SND1: variants seen among roughly 807,000 people sequenced by gnomAD.
SND1 encodes the protein staphylococcal nuclease and tudor domain containing 1.
SND1 carries 38 observed loss-of-function variants against 121.7 expected under a neutral mutation model. That is an observed-to-expected ratio of 0.31 (90% CI 0.24 to 0.41). The LOEUF is 0.41. Ranked by LOEUF, SND1 falls within the 10% of genes least tolerant of loss-of-function variation. The pLI, the probability that SND1 is intolerant of heterozygous loss-of-function variation, is 1.00. For missense variants in SND1, 868 were observed against 1,184.6 expected (o/e 0.73, Z 3.92); for synonymous variants, 401 against 447.4 (o/e 0.90, Z 1.31).
Position 127,929,299 on chromosome 7 carries a change from G to GA in SND1, c.1642dup (p.Thr548AsnfsTer12). On this transcript the variant is annotated frameshift_variant, in exon 15 of 24. Coordinates refer to ENST00000354725, the MANE Select transcript of SND1 (RefSeq NM_014390.4). LOFTEE classifies it high-confidence loss of function. Reference sequence around the variant, plus strand: ...TCGTCTCAAACTCTATTTGCCAAAGGAAACTTGCCTTATCACCTTCTTGCT... The same window carrying GA: ...TCGTCTCAAACTCTATTTGCCAAAGGAAAACTTGCCTTATCACCTTCTTGCT... 2 of 1,614,014 alleles carry GA rather than the reference G, an allele frequency of 1.2e-6. No individual in the cohort carries two copies. Among genetic ancestry groups the GA allele is most frequent in the Non-Finnish European group, 1.7e-6 (2 of 1,179,948 alleles).
intron 1 of SND1, among the ~76,000 whole-genome samples, chr7:127,667,465 G>A (rs1795438504): frequency 6.6e-6 from 1 of 152,148 alleles, no homozygotes; most frequent in South Asian, 2.1e-4. Context: ...CACAGTGATG[G>A]CAGTGCTGTG....
intron 15 of SND1, among the ~76,000 whole-genome samples, chr7:127,951,013 C>T (rs1161063237): frequency 6.6e-6 from 1 of 151,936 alleles, no homozygotes; most frequent in African/African-American, 2.4e-5. Flanking sequence ...ATGGAGATTC[C>T]TCAAAAAAAA....
chr7:128,089,638 G>A lies in SND1; in HGVS notation c.2568G>A (p.Val856=), dbSNP rs779788130. 36 of 1,614,082 alleles carry A rather than the reference G, an allele frequency of 2.2e-5. No homozygotes were observed. The Admixed American group carries it at 6.0e-4, about 27-fold the overall frequency. ...DSKGDVGLGL[V]KEGLVMVEVR... ...AGGGCGATGTGGGGCTGGGCTTGGT[G>A]AAGGAAGGGCTGGTCATGGTGGAGG... Residue 856 remains valine (V), a synonymous_variant, in exon 22 of 24, where the codon GTG becomes GTA. Transcript: ENST00000354725.
intron 11 of SND1, among the ~76,000 whole-genome samples, chr7:127,814,906 A>G (rs1204458154): frequency 6.6e-6 from 1 of 152,218 alleles, no homozygotes; most frequent in Non-Finnish European, 1.5e-5. Context: ...TTTAAAGGCT[A>G]CATCTTCATA....
At chr7:128,020,889 C>T (rs1346684893) in intron 16 of SND1, among the ~76,000 whole-genome samples, 1 of 152,142 alleles carries the variant, frequency 6.6e-6, no homozygotes, top group Non-Finnish European at 1.5e-5. Flanking sequence ...CAGTGCTTGC[C>T]GTCTCTCCCC....
chr7:127,762,424 C>G (rs1797320909), intron 10 of SND1, among the ~76,000 whole-genome samples: 1 of 152,180 alleles, frequency 6.6e-6, no homozygotes, highest in Non-Finnish European at 1.5e-5. Flanking sequence ...TGCACATGTA[C>G]CCCCTACGTC....
rs569220841 is a variant in SND1, at chr7:127,842,936, G to T, written c.1243-1388G>T. 3.3e-4 allele frequency among the ~76,000 whole-genome samples: 50 copies of T among 152,258 alleles called. 1 individual carries two copies. Among genetic ancestry groups the T allele is most frequent in the African/African-American group, 1.2e-3 (48 of 41,540 alleles). ...TAAATACAGGTTTTCAAAGTAGTCT[G>T]ACCCAGAAGAGGTTAAAGCACTGCT... On this transcript the variant is annotated intron_variant, in intron 11 of 23. Coordinates refer to ENST00000354725, the MANE Select transcript of SND1 (RefSeq NM_014390.4).
chr7:127,848,234 G>C (rs946139545), intron 12 of SND1, among the ~76,000 whole-genome samples: 1 of 152,210 alleles, frequency 6.6e-6, no homozygotes, highest in Non-Finnish European at 1.5e-5. Flanking sequence ...CTGCCCCTGT[G>C]CTTAACACAT....
At chr7:127,825,239 T>C (rs891994245) in intron 11 of SND1, among the ~76,000 whole-genome samples, 1 of 152,088 alleles carries the variant, frequency 6.6e-6, no homozygotes, top group Non-Finnish European at 1.5e-5. Context: ...GTCTCCTGAG[T>C]AGCTGGGACT....
intron 16 of SND1, chr7:128,030,359 G>C: frequency 1.2e-6 from 2 of 1,614,074 alleles, no homozygotes; most frequent in African/African-American, 2.7e-5. Context: ...GGTGGCGGAA[G>C]GTGTCGGCCT....
intron 21 of SND1, 119 bp from the exon 22 acceptor site, chr7:128,089,370 T>C: frequency 1.0e-6 from 1 of 995,150 alleles, no homozygotes; most frequent in Non-Finnish European, 1.5e-6. Flanking sequence ...ACTAGGGTTC[T>C]CTGGGGAGAA....
chr7:127,749,585 G>A lies in SND1; in HGVS notation c.1152+28185G>A, dbSNP rs1029512774. On this transcript the variant is annotated intron_variant, in intron 10 of 23. Coordinates refer to ENST00000354725, the MANE Select transcript of SND1 (RefSeq NM_014390.4). Reference sequence around the variant, plus strand: ...AAAAGATACAAGAACGTTCACACCGGGAAGAGTCAACAAGGTTTGTGGATT... The same window carrying A: ...AAAAGATACAAGAACGTTCACACCGAGAAGAGTCAACAAGGTTTGTGGATT... Among the ~76,000 whole-genome samples, 20 of 152,194 alleles carry A rather than the reference G, an allele frequency of 1.3e-4. No individual in the cohort carries two copies. In the East Asian group the frequency reaches 3.7e-3, roughly 28 times the overall value.
chr7:127,944,306 C>T (rs539580532), intron 15 of SND1, among the ~76,000 whole-genome samples: 1 of 152,348 alleles, frequency 6.6e-6, no homozygotes, highest in South Asian at 2.1e-4. Context: ...CCACCAGAGT[C>T]ACTAGCAGCT....
intron 11 of SND1, among the ~76,000 whole-genome samples, chr7:127,812,736 T>C (rs1251982379): frequency 6.6e-6 from 1 of 152,212 alleles, no homozygotes; most frequent in East Asian, 1.9e-4. Context: ...CACACAGCTT[T>C]CCTGAGGAGG....
chr7:127,762,127 G>T (rs1467962997), intron 10 of SND1, among the ~76,000 whole-genome samples: 2 of 152,134 alleles, frequency 1.3e-5, no homozygotes, highest in Non-Finnish European at 1.5e-5. Context: ...CACCGAGCTT[G>T]ATTTTATATC....
intron 12 of SND1, among the ~76,000 whole-genome samples, chr7:127,875,290 T>C (rs1799668217): frequency 6.6e-6 from 1 of 152,144 alleles, no homozygotes; most frequent in Admixed American, 6.6e-5. Flanking sequence ...TTGCTCTTCT[T>C]GGATCTGTAG....
At chr7:127,967,198 C>G (rs964531928) in intron 15 of SND1, among the ~76,000 whole-genome samples, 6 of 152,040 alleles carry the variant, frequency 3.9e-5, no homozygotes. Context: ...GGCAGAAGGT[C>G]GAAACGGAGG....
intron 12 of SND1, among the ~76,000 whole-genome samples, chr7:127,849,803 CTCT>C (rs1490294054): frequency 1.2e-4 from 19 of 152,148 alleles, no homozygotes; most frequent in African/African-American, 4.6e-4. Flanking sequence ...CCCTGCATTG[CTCT>C]TCTTTCTTGA....
At chr7:127,747,233 G>C (rs1401157030) in intron 10 of SND1, among the ~76,000 whole-genome samples, 5 of 152,138 alleles carry the variant, frequency 3.3e-5, no homozygotes, top group Admixed American at 6.6e-5. Context: ...TAGAGACGCT[G>C]GTGTGCCCTA....
Sources: gnomAD v4.1 joint callset for allele counts (sites outside exome capture counted in the v4.1 genomes callset) on GRCh38, gnomAD v4.1.1 for gene constraint, MANE v1.5 for transcripts, NCBI Gene and HGNC (gene_info 2026-07-23, HGNC 2026-07-21) for gene names.